The following CFAP119 variants were observed in gnomAD, a reference collection of about 807,000 sequenced individuals.
CFAP119 encodes cilia- and flagella-associated protein 119.
At chr16:30,759,153 G>A in the CFAP119 span, 189 of 1,614,082 alleles carry the variant, frequency 1.2e-4, 1 homozygote, top group Middle Eastern at 1.6e-4. Context: ...GCCCAGCCCA[G>A]CCCTGCCCTG....
At chr16:30,759,320 C>T in the CFAP119 span, 1 of 1,612,706 alleles carries the variant, frequency 6.2e-7, no homozygotes, top group Non-Finnish European at 8.5e-7. Context: ...AGGGTGGCTC[C>T]TCATGGTCCA....
the CFAP119 span, chr16:30,759,171 C>G: frequency 1.2e-6 from 2 of 1,614,228 alleles, no homozygotes; most frequent in Non-Finnish European, 1.7e-6. Context: ...CTGGCACTCT[C>G]CCTTACCCGT....
At chr16:30,758,772 C>G in the CFAP119 span, 1 of 600,918 alleles carries the variant, frequency 1.7e-6, no homozygotes, top group Non-Finnish European at 2.8e-6. Flanking sequence ...CCAGGCTGGT[C>G]GCGAACTCCT....
At chr16:30,759,681 G>A in the CFAP119 span, 1 of 1,613,820 alleles carries the variant, frequency 6.2e-7, no homozygotes, top group African/African-American at 1.3e-5. Flanking sequence ...AAAGGACACT[G>A]GTGAAGTAGC....
chr16:30,757,533 A>C, the CFAP119 span: 1 of 1,614,246 alleles, frequency 6.2e-7, no homozygotes, highest in Non-Finnish European at 8.5e-7. Flanking sequence ...GCTCTAGTGC[A>C]GTCAACTTGC....
chr16:30,759,968 C>T, the CFAP119 span: 1 of 1,452,180 alleles, frequency 6.9e-7, no homozygotes, highest in East Asian at 2.5e-5. Context: ...GGGGAATAAA[C>T]CAAGAAATAG....
the CFAP119 span, chr16:30,757,605 C>G: frequency 4.3e-6 from 7 of 1,614,040 alleles, no homozygotes; most frequent in Non-Finnish European, 5.9e-6. Flanking sequence ...GCTGCTCCAG[C>G]TCTTTGTTCA....
At chr16:30,759,149 C>G in the CFAP119 span, 8 of 1,614,070 alleles carry the variant, frequency 5.0e-6, no homozygotes, top group Non-Finnish European at 5.9e-6. Flanking sequence ...CCTGGCCCAG[C>G]CCAGCCCTGC....
At chr16:30,760,883 C>A in the CFAP119 span, 18 of 620,836 alleles carry the variant, frequency 2.9e-5, no homozygotes, top group South Asian at 9.7e-5. Context: ...ATCTTGAATT[C>A]TTTTTTCTGC....
chr16:30,760,558 C>T, the CFAP119 span: 2 of 1,583,226 alleles, frequency 1.3e-6, no homozygotes, highest in African/African-American at 1.4e-5. Flanking sequence ...CCAACCTGAC[C>T]CCTCAGCCTT....
chr16:30,759,548 C>T, the CFAP119 span: 1 of 1,614,038 alleles, frequency 6.2e-7, no homozygotes, highest in Non-Finnish European at 8.5e-7. Flanking sequence ...CAAGGAGAGC[C>T]CACTGGGGTC....
chr16:30,758,820 A>C, the CFAP119 span: 3 of 934,320 alleles, frequency 3.2e-6, no homozygotes, highest in Non-Finnish European at 4.7e-6. Flanking sequence ...TTGTGCTGGG[A>C]TTACAGGTGT....
chr16:30,761,368 G>A, the CFAP119 span: 1 of 1,403,490 alleles, frequency 7.1e-7, no homozygotes, highest in African/African-American at 1.4e-5. Context: ...GAGGGCTTCA[G>A]CAGGCCCTAG....
chr16:30,761,265 G>T, the CFAP119 span: 1 of 1,613,386 alleles, frequency 6.2e-7, no homozygotes, highest in Non-Finnish European at 8.5e-7. Flanking sequence ...AGGCAGCTGC[G>T]GTGTCCTGGC....
the CFAP119 span, chr16:30,758,741 T>C: frequency 7.1e-5 from 34 of 476,794 alleles, no homozygotes; most frequent in Non-Finnish European, 1.2e-4. Flanking sequence ...TTTTAGTAGA[T>C]AGGGGGTTTC....
chr16:30,758,780 CCTG>C, the CFAP119 span: 1 of 659,174 alleles, frequency 1.5e-6, no homozygotes, highest in Non-Finnish European at 2.5e-6. Context: ...GTCGCGAACT[CCTG>C]AGCTCAGGCA....
At chr16:30,759,582 A>G in the CFAP119 span, 2 of 1,614,108 alleles carry the variant, frequency 1.2e-6, no homozygotes, top group Non-Finnish European at 1.7e-6. Context: ...AAGGGTGATG[A>G]ATGTGAGAGA....
chr16:30,761,797 G>A, the CFAP119 span: 3 of 1,462,880 alleles, frequency 2.1e-6, no homozygotes, highest in Non-Finnish European at 2.7e-6. Context: ...CGCCGCCTAG[G>A]TTCCAGGACA....
the CFAP119 span, chr16:30,757,447 C>T: frequency 6.2e-7 from 1 of 1,601,984 alleles, no homozygotes; most frequent in East Asian, 2.2e-5. Flanking sequence ...CATTCTGGCC[C>T]AGACCTTTAT....
Sources: gnomAD v4.1 joint callset for allele counts on GRCh38, gnomAD v4.1.1 for gene constraint, MANE v1.5 for transcripts, NCBI Gene and HGNC (gene_info 2026-07-23, HGNC 2026-07-21) for gene names.